Variants in ATP6V1C2 observed in about 807,000 individuals in gnomAD.
ATP6V1C2 encodes the protein ATPase H+ transporting V1 subunit C2.
In ATP6V1C2, 45 loss-of-function variants were observed where a neutral mutation model predicts 56.8. The observed-to-expected ratio is 0.79, with a 90% confidence interval of 0.62 to 1.02. ATP6V1C2 has a LOEUF of 1.02. Among genes scored for constraint, ATP6V1C2 ranks in the 50% least tolerant of loss-of-function variants. The pLI is 0.00. For missense variants in ATP6V1C2, 463 were observed against 519.7 expected, an observed-to-expected ratio of 0.89 and a Z score of 1.06; for synonymous variants, 220 against 201.3, an observed-to-expected ratio of 1.09 and a Z score of -0.79.
intron 3 of ATP6V1C2, among the ~76,000 whole-genome samples, chr2:10,753,619 C>T (rs1337533070): frequency 6.6e-6 from 1 of 151,770 alleles, no homozygotes; most frequent in Non-Finnish European, 1.5e-5. Context: ...GCAACCTCCA[C>T]CTCCCGGGTT....
At chr2:10,728,328 C>G (rs746965424) in intron 3 of ATP6V1C2, among the ~76,000 whole-genome samples, 1 of 152,216 alleles carries the variant, frequency 6.6e-6, no homozygotes, top group Non-Finnish European at 1.5e-5. Context: ...AAGTGATCCT[C>G]TTGCCTCGGC....
chr2:10,782,500 G>T (rs1665427239), intron 13 of ATP6V1C2, 125 bp downstream of exon 13: 1 of 1,115,742 alleles, frequency 9.0e-7, no homozygotes, highest in Non-Finnish European at 1.3e-6. Context: ...AAGGGTTTGA[G>T]ACCAGCCTAG....
At chr2:10,777,191 G>C (rs1196868682) in intron 10 of ATP6V1C2, among the ~76,000 whole-genome samples, 2 of 152,194 alleles carry the variant, frequency 1.3e-5, no homozygotes, top group African/African-American at 4.8e-5. Flanking sequence ...TGCCAGGAAG[G>C]CATCTGTGGC....
intron 4 of ATP6V1C2, among the ~76,000 whole-genome samples, chr2:10,754,672 A>T (rs1040703325): frequency 9.2e-5 from 14 of 151,868 alleles, no homozygotes; most frequent in African/African-American, 3.1e-4. Context: ...TTCTGGGTTC[A>T]CGCCATTCTC....
intron 5 of ATP6V1C2, among the ~76,000 whole-genome samples, chr2:10,766,952 A>G (rs958298035): frequency 6.6e-6 from 1 of 152,144 alleles, no homozygotes; most frequent in African/African-American, 2.4e-5. Flanking sequence ...GGGAAACTGC[A>G]TGGAGGGGAC....
intron 3 of ATP6V1C2, among the ~76,000 whole-genome samples, chr2:10,750,812 A>G (rs576440911): frequency 6.6e-6 from 1 of 152,330 alleles, no homozygotes; most frequent in South Asian, 2.1e-4. Flanking sequence ...AGGATAAAAG[A>G]GGAACCGTTG....
At chr2:10,725,613 G>A (rs1279526625) in intron 2 of ATP6V1C2, among the ~76,000 whole-genome samples, 1 of 147,288 alleles carries the variant, frequency 6.8e-6, no homozygotes, top group African/African-American at 2.5e-5. Flanking sequence ...TCCTGCCTCA[G>A]ACTCCCAAGT....
chr2:10,732,045 T>C (rs191879985), intron 3 of ATP6V1C2, among the ~76,000 whole-genome samples: 1 of 152,280 alleles, frequency 6.6e-6, no homozygotes, highest in Non-Finnish European at 1.5e-5. Flanking sequence ...GTAGCAATTC[T>C]AGAGCTGTCT....
chr2:10,782,901 T>C (rs1665472551), intron 13 of ATP6V1C2, among the ~76,000 whole-genome samples: 1 of 144,866 alleles, frequency 6.9e-6, no homozygotes, highest in South Asian at 2.2e-4. Flanking sequence ...TAATCCCAGC[T>C]ACTTGGGAGT....
chr2:10,784,213 T>C lies in ATP6V1C2; in HGVS notation c.*950T>C, dbSNP rs1270344905. ...TCCCTTCACTGCTGGAAAAATCCAC[T>C]GGCTCCCAAGAAAAGAAAATGGTCT... On this transcript the variant is annotated 3_prime_UTR_variant, in exon 14 of 14. Coordinates refer to ENST00000272238, the MANE Select transcript of ATP6V1C2 (RefSeq NM_001039362.2). 1 of 1,507,730 alleles carries C rather than the reference T, an allele frequency of 6.6e-7. No individual in the cohort carries two copies. The highest frequency in any genetic ancestry group is 9.1e-7 in the Non-Finnish European group (1 of 1,093,938). The allele number at this position is 1,507,730 out of a possible 1,614,324, so 93.4% of individuals were successfully genotyped here. A position where few individuals can be genotyped will look rare whatever the true frequency, so the allele number is the denominator to read the frequency against.
chr2:10,754,158 G>C (rs749800876), intron 4 of ATP6V1C2, 92 bp downstream of exon 4: 397 of 1,051,116 alleles, frequency 3.8e-4, no homozygotes, highest in Non-Finnish European at 5.1e-4. Flanking sequence ...CAATCACCGA[G>C]ATGGCCCAGG....
At chr2:10,730,143 T>C (rs1661872157) in intron 3 of ATP6V1C2, among the ~76,000 whole-genome samples, 1 of 152,174 alleles carries the variant, frequency 6.6e-6, no homozygotes, top group Admixed American at 6.6e-5. Flanking sequence ...TAAGACAGAA[T>C]CTTGCTCTGT....
chr2:10,755,995 A>G (rs1037841053), intron 4 of ATP6V1C2, among the ~76,000 whole-genome samples: 2 of 152,208 alleles, frequency 1.3e-5, no homozygotes, highest in African/African-American at 4.8e-5. Flanking sequence ...TTTAGAATTA[A>G]ATGTTTAAAT....
In ATP6V1C2 at chr2:10,752,480, G is replaced by GGA. The variant is rs550287076; in HGVS notation, c.198-1493_198-1492dup. ...TCCCTCCTGAGGGCGGGGAGAATGT[G>GGA]GAGAGAGAGCCTGAGGCAATGATTT... On this transcript the variant is annotated intron_variant, in intron 3 of 13. Transcript: ENST00000272238. Among the ~76,000 whole-genome samples, 299 of 152,324 alleles carry GGA rather than the reference G, an allele frequency of 2.0e-3. 1 individual carries two copies. Among genetic ancestry groups the GGA allele is most frequent in the Non-Finnish European group, 3.2e-3 (216 of 68,028 alleles).
chr2:10,734,718 G>A (rs1662160255), intron 3 of ATP6V1C2, among the ~76,000 whole-genome samples: 1 of 152,130 alleles, frequency 6.6e-6, no homozygotes, highest in African/African-American at 2.4e-5. Flanking sequence ...GGGACTCTGT[G>A]CCCTGGGCTT....
At chr2:10,752,071 A>AAAC (rs371571137) in intron 3 of ATP6V1C2, among the ~76,000 whole-genome samples, 1 of 151,936 alleles carries the variant, frequency 6.6e-6, no homozygotes, top group African/African-American at 2.4e-5. Flanking sequence ...CTCAAAAAAA[A>AAAC]AACAACAACA....
intron 6 of ATP6V1C2, 119 bp downstream of exon 6, chr2:10,768,929 CAG>C (rs1664405125): frequency 1.3e-6 from 1 of 792,930 alleles, no homozygotes; most frequent in East Asian, 2.6e-5. Context: ...GTGAGACAGA[CAG>C]ACAGGTGGAG....
intron 4 of ATP6V1C2, 136 bp from the exon 5 acceptor site, chr2:10,764,195 C>A (rs148865048): frequency 4.3e-6 from 3 of 705,590 alleles, no homozygotes; most frequent in African/African-American, 3.5e-5. Context: ...TTTTCCAGAG[C>A]CCTGTGCCTG....
chr2:10,751,282 G>T (rs1452464977), intron 3 of ATP6V1C2, among the ~76,000 whole-genome samples: 4 of 152,024 alleles, frequency 2.6e-5, no homozygotes, highest in Non-Finnish European at 5.9e-5. Flanking sequence ...ATGGGGCAGA[G>T]AACCCAAAAC....
Sources: gnomAD v4.1 joint callset for allele counts (sites outside exome capture counted in the v4.1 genomes callset) on GRCh38, gnomAD v4.1.1 for gene constraint, MANE v1.5 for transcripts, NCBI Gene and HGNC (gene_info 2026-07-23, HGNC 2026-07-21) for gene names.